The following SLAMF9 variants were observed in gnomAD, a reference collection of about 807,000 sequenced individuals.
The protein encoded by SLAMF9 is SLAM family member 9.
Under a neutral mutation model 30.4 loss-of-function variants are expected in SLAMF9, and 25 were observed. The observed-to-expected ratio is 0.82, with a 90% CI of 0.60 to 1.15. The LOEUF is 1.15. SLAMF9 is among the 50% of genes most tolerant of loss of function. SLAMF9 has a pLI of 0.00. For missense variants in SLAMF9, 344 were observed against 346.1 expected (o/e 0.99, Z 0.05); for synonymous variants, 129 against 127.2 (o/e 1.01, Z -0.09).
chr1:159,954,017 T>C, intron 1 of SLAMF9, 75 bp downstream of exon 1: 5 of 1,572,624 alleles, frequency 3.2e-6, no homozygotes, highest in East Asian at 2.2e-5. Context: ...AGGGTCTTAC[T>C]GGCCCAGACC....
chr1:159,961,814 C>T, the SLAMF9 span, among the ~76,000 whole-genome samples: 4 of 151,726 alleles, frequency 2.6e-5, no homozygotes, highest in East Asian at 2.0e-4. Flanking sequence ...GACTGCAGGC[C>T]GCTCACTGGG....
chr1:159,955,377 T>A (rs1015543677), upstream of SLAMF9, among the ~76,000 whole-genome samples: 2 of 152,220 alleles, frequency 1.3e-5, no homozygotes, highest in Non-Finnish European at 2.9e-5. Context: ...TGCCATCAGA[T>A]GGATTCTCAG....
At chr1:159,957,308 T>C (rs976053593), upstream of SLAMF9, among the ~76,000 whole-genome samples, 3 of 151,754 alleles carry the variant, frequency 2.0e-5, no homozygotes, top group East Asian at 1.9e-4. Context: ...CTACAGTTAA[T>C]AGCAATGTAT....
At chr1:159,977,885 C>T in the SLAMF9 span, among the ~76,000 whole-genome samples, 1 of 152,116 alleles carries the variant, frequency 6.6e-6, no homozygotes, top group Non-Finnish European at 1.5e-5. Context: ...AGATCAAAGG[C>T]TCGCCAAACT....
At chr1:159,953,839 A>G (rs1651861288) in intron 1 of SLAMF9, among the ~76,000 whole-genome samples, 186 bp from the exon 2 acceptor site, 1 of 152,188 alleles carries the variant, frequency 6.6e-6, no homozygotes, top group African/African-American at 2.4e-5. Context: ...AGCACCTAAA[A>G]GGAGTTTGCT....
At chr1:159,961,605 C>A in the SLAMF9 span, among the ~76,000 whole-genome samples, 140,141 of 152,244 alleles carry the variant, frequency 0.92, 64,659 homozygotes, top group East Asian at 1. Context: ...GAACTGTAAG[C>A]GTCTGCAAAT....
the SLAMF9 span, chr1:159,973,312 G>A: frequency 9.5e-6 from 6 of 629,660 alleles, no homozygotes; most frequent in Non-Finnish European, 1.4e-5. Flanking sequence ...GGCTCAGGAG[G>A]GGAGTCCTGG....
chr1:159,952,350 C>T lies in SLAMF9; in HGVS notation c.576G>A (p.Gly192=), dbSNP rs369484916. 22 of 1,613,902 alleles carry T rather than the reference C, an allele frequency of 1.4e-5. No individual in the cohort carries two copies. The highest frequency in any genetic ancestry group is 1.8e-5 in the Non-Finnish European group (21 of 1,179,990). ...TGCAGGTGTAGGAGAGGGCACTGTC[C>T]CCCGGCCTCCAGGATGTGCTGAGGA... ...GPVLSTSWRP[G]DSALSYTCRA... is the part of the protein sequence containing the mutation. The change falls in exon 3 of 4, where the codon GGG becomes GGA. Residue 192 remains glycine (G), a synonymous_variant. Coordinates refer to ENST00000368093, the MANE Select transcript of SLAMF9 (RefSeq NM_033438.4).
At chr1:159,967,126 A>AAAG in the SLAMF9 span, among the ~76,000 whole-genome samples, 1 of 152,276 alleles carries the variant, frequency 6.6e-6, no homozygotes. Context: ...GTCTTACATT[A>AAAG]AAGTCTTTCC....
the SLAMF9 span, among the ~76,000 whole-genome samples, chr1:159,977,999 G>A: frequency 6.6e-6 from 1 of 152,132 alleles, no homozygotes; most frequent in Non-Finnish European, 1.5e-5. Flanking sequence ...GTGCATACAG[G>A]AGGATCTGTG....
the SLAMF9 span, chr1:159,961,103 A>G: frequency 6.6e-6 from 1 of 152,154 alleles, no homozygotes; most frequent in Non-Finnish European, 1.5e-5. Flanking sequence ...AGAGAGACCA[A>G]ACTATGACAT....
upstream of SLAMF9, among the ~76,000 whole-genome samples, chr1:159,954,860 C>T (rs952611641): frequency 1.3e-5 from 2 of 152,072 alleles, no homozygotes; most frequent in African/African-American, 4.8e-5. Context: ...AGGCAGATCA[C>T]CTGAGGTCAG....
the SLAMF9 span, chr1:159,973,190 G>A: frequency 2.6e-3 from 3,814 of 1,486,068 alleles, 14 homozygotes; most frequent in Middle Eastern, 0.012. Flanking sequence ...ACCTCAGGGG[G>A]TGCAGCTTTG....
At chr1:159,968,512 G>T in the SLAMF9 span, among the ~76,000 whole-genome samples, 1 of 152,220 alleles carries the variant, frequency 6.6e-6, no homozygotes, top group South Asian at 2.1e-4. Context: ...CAAATACCCT[G>T]CCAGTTACAA....
chr1:159,971,480 A>G, the SLAMF9 span, among the ~76,000 whole-genome samples: 4 of 152,184 alleles, frequency 2.6e-5, no homozygotes, highest in South Asian at 8.3e-4. Context: ...GGAGAAGTCC[A>G]GGGTGAAGGA....
At position 159,951,653 on chromosome 1, in the gene SLAMF9, A is replaced by G; in HGVS notation, c.*8T>C. 6.2e-7 allele frequency: 1 copy of G among 1,613,566 alleles called. No homozygotes were observed. The highest frequency in any genetic ancestry group is 8.5e-7 in the Non-Finnish European group (1 of 1,179,834). ...ACCAAGCTCAGGACTGGGGTTCCCA[A>G]GGAGCAGTCAGGCAGGGCTGGAGCC... On this transcript the variant is annotated 3_prime_UTR_variant, in exon 4 of 4. Coordinates refer to ENST00000368093, the MANE Select transcript of SLAMF9 (RefSeq NM_033438.4).
At chr1:159,966,537 C>T in the SLAMF9 span, among the ~76,000 whole-genome samples, 1 of 152,152 alleles carries the variant, frequency 6.6e-6, no homozygotes, top group Non-Finnish European at 1.5e-5. Flanking sequence ...GAGGAACCTC[C>T]ATACTGTTTT....
At chr1:159,967,532 G>A in the SLAMF9 span, among the ~76,000 whole-genome samples, 2 of 152,136 alleles carry the variant, frequency 1.3e-5, no homozygotes, top group African/African-American at 2.4e-5. Flanking sequence ...AAGTCAGGTC[G>A]TGTGATGCCT....
chr1:159,957,628 A>AG (rs1183074167), upstream of SLAMF9, among the ~76,000 whole-genome samples: 2 of 152,232 alleles, frequency 1.3e-5, no homozygotes, highest in African/African-American at 4.8e-5. Context: ...ATCTAAAAAA[A>AG]AAATTGCTAA....
Sources: allele counts gnomAD v4.1 joint callset (sites outside exome capture counted in the v4.1 genomes callset), GRCh38; gene constraint gnomAD v4.1.1; transcripts MANE v1.5; gene names NCBI Gene and HGNC (gene_info 2026-07-23, HGNC 2026-07-21).